Variants in PASK observed in about 807,000 individuals in gnomAD.
The protein encoded by PASK is PAS domain containing serine/threonine kinase, also known as PAS domain-containing serine/threonine-protein kinase.
Under a neutral mutation model 121.0 loss-of-function variants are expected in PASK, and 110 were observed. The observed-to-expected ratio is 0.91, with a 90% CI of 0.78 to 1.06. The LOEUF (loss-of-function observed/expected upper bound fraction) is 1.06. Among genes scored for constraint, PASK ranks in the 50% least tolerant of loss-of-function variants. The pLI is 0.00. For synonymous variants in PASK, 686 were observed against 717.8 expected, an observed-to-expected ratio of 0.96 and a Z score of 0.71; for missense variants, 1,643 against 1,702.3, an observed-to-expected ratio of 0.97 and a Z score of 0.61.
At position 241,133,004 on chromosome 2, in the gene PASK, C is replaced by G; in HGVS notation, c.1333G>C (p.Gly445Arg). 2.5e-6 allele frequency: 4 copies of G among 1,614,150 alleles called. No individual in the cohort carries two copies. Among genetic ancestry groups the G allele is most frequent in the Non-Finnish European group, 3.4e-6 (4 of 1,180,014 alleles). ...QDPRINVVLA[G>R]GHVVPRDEIR... ...TCATCTCGGGGCACAACGTGGCCAC[C>G]AGCAAGCACGACATTAATCCTTGGA... The change falls in exon 9 of 18, where the codon GGT (glycine) becomes CGT (arginine). Residue 445 changes from glycine to arginine, a missense_variant. Transcript: ENST00000234040.
chr2:241,118,850 G>A (rs1036628359), intron 12 of PASK: 19 of 816,212 alleles, frequency 2.3e-5, no homozygotes, highest in Non-Finnish European at 2.8e-5. Context: ...CGCACCCGGT[G>A]GAGGCCATGA....
At chr2:241,138,114 T>C in intron 5 of PASK, 27 bp from the exon 6 acceptor site, 1 of 1,612,466 alleles carries the variant, frequency 6.2e-7, no homozygotes, top group Non-Finnish European at 8.5e-7. Flanking sequence ...GTGCTTATCA[T>C]AAAAGCTTCT....
At chr2:241,140,184 A>G (rs1293486002) in intron 3 of PASK, 129 bp from the exon 4 acceptor site, 2 of 787,198 alleles carry the variant, frequency 2.5e-6, no homozygotes, top group South Asian at 1.5e-5. Context: ...TCTGTTGCCC[A>G]GGCTGGAGTG....
At chr2:241,124,599 T>C (rs1044031426) in intron 10 of PASK, among the ~76,000 whole-genome samples, 4 of 152,224 alleles carry the variant, frequency 2.6e-5, no homozygotes, top group African/African-American at 9.6e-5. Context: ...CTAACAGCCA[T>C]ATTCAATTCC....
intron 8 of PASK, chr2:241,134,472 G>A (rs1025318842): frequency 2.6e-5 from 4 of 152,190 alleles, no homozygotes; most frequent in African/African-American, 4.8e-5. Flanking sequence ...TGCCCCAGGC[G>A]AGACCCTGTG....
rs777925589 is a variant in PASK at position 241,135,913 on chromosome 2, A to G, written c.1264T>C (p.Leu422=). 12 of 1,614,080 alleles carry G rather than the reference A, an allele frequency of 7.4e-6. No individual in the cohort carries two copies. The highest frequency in any genetic ancestry group is 2.7e-5 in the African/African-American group (2 of 74,930). Residue 422 remains leucine (L), a synonymous_variant, in exon 8 of 18, where the codon TTG becomes CTG. Coordinates refer to ENST00000234040, the MANE Select transcript of PASK (RefSeq NM_015148.4). ...GNESGCGERT[L]DPWQGQDPAE... ...GGGTCCTGGCCCTGCCACGGGTCCA[A>G]GGTTCTCTCCCCACACCCACTCTCA... is the stretch of plus-strand genomic sequence containing the variant.
chr2:241,136,575 A>C (rs891316193), intron 7 of PASK, among the ~76,000 whole-genome samples: 1 of 152,220 alleles, frequency 6.6e-6, no homozygotes, highest in Non-Finnish European at 1.5e-5. Context: ...AAATCCCTGC[A>C]AGGTCTCAAT....
chr2:241,126,311 G>A lies in PASK; in HGVS notation c.2604C>T (p.Asn868=), dbSNP rs554640041. 33 of 1,614,220 alleles carry A rather than the reference G, an allele frequency of 2.0e-5. No homozygotes were observed. Among genetic ancestry groups the A allele is most frequent in the East Asian group, 4.5e-5 (2 of 44,886 alleles). ...TCPSAEEPRL[N]VQVTSTPVIV... ...TCACGGGCGTGGAGGTGACCTGGAC[G>A]TTCAGCCTTGGCTCCTCTGCTGATG... The change falls in exon 10 of 18, where the codon AAC becomes AAT. Residue 868 remains asparagine (N), a synonymous_variant. Transcript: ENST00000234040.
intron 14 of PASK, chr2:241,113,450 A>G (rs562397683): frequency 8.0e-6 from 1 of 125,574 alleles, no homozygotes; most frequent in South Asian, 2.4e-4. Context: ...TTAGATACAT[A>G]CATGTGCACA....
chr2:241,140,737 G>C lies in PASK; in HGVS notation c.213C>G (p.Ser71=). Residue 71 remains serine (S), a synonymous_variant, in exon 3 of 18, where the codon TCC becomes TCG. Transcript: ENST00000234040. ...RTALSEDRWS[S]YCLSSLAAQN... is the part of the protein sequence containing the mutation. Reference sequence around the variant, plus strand: ...GGGCAGCCAGTGATGATAGACAATAGGAGCTCCATCTGTCTTCTGAAAAGA... The same window carrying C: ...GGGCAGCCAGTGATGATAGACAATACGAGCTCCATCTGTCTTCTGAAAAGA... 6.2e-7 allele frequency: 1 copy of C among 1,610,486 alleles called. No individual in the cohort carries two copies. Among genetic ancestry groups the C allele is most frequent in the South Asian group, 1.1e-5 (1 of 91,016 alleles).
Position 241,115,023 on chromosome 2 carries a change from C to T in PASK, c.3333+20G>A, listed in dbSNP as rs140703087. ...ACCCAGGCCTGCGTTCACACTAACA[C>T]GGCTCTGGCCTGCTCTCACTTGTCG... On this transcript the variant is annotated intron_variant, in intron 14 of 17. Coordinates refer to ENST00000234040, the MANE Select transcript of PASK (RefSeq NM_015148.4). 1.2e-5 allele frequency: 20 copies of T among 1,614,094 alleles called. No homozygotes were observed. Among genetic ancestry groups the T allele is most frequent in the Middle Eastern group, 1.6e-4 (1 of 6,062 alleles).
At chr2:241,149,787 T>G (rs2067198618), upstream of PASK, 3 of 1,535,118 alleles carry the variant, frequency 2.0e-6, no homozygotes, top group Non-Finnish European at 1.7e-6. Flanking sequence ...ATGGGCCGGG[T>G]GGCTCCGCAG....
chr2:241,110,192 A>G (rs1312188728), intron 15 of PASK, among the ~76,000 whole-genome samples: 2 of 152,248 alleles, frequency 1.3e-5, no homozygotes, highest in Non-Finnish European at 2.9e-5. Flanking sequence ...AAGTGAAATA[A>G]GCCAGTCACC....
At position 241,106,528 on chromosome 2, in the gene PASK, T is replaced by C. The variant is rs775123688; in HGVS notation, c.*38A>G. The C allele has an allele frequency of 9.9e-6, 16 of 1,610,202 alleles. No homozygotes were observed. The highest frequency in any genetic ancestry group is 8.3e-5 in the Admixed American group (5 of 60,024). ...ATGGAGCCTGAAAACTGTGTGATTT[T>C]CCAAACCAAGTGGAGAAAAGCAGGA... is the stretch of plus-strand genomic sequence containing the variant. On this transcript the variant is annotated 3_prime_UTR_variant, in exon 18 of 18. Transcript: ENST00000234040.
Position 241,140,689 on chromosome 2 carries a change from C to T in PASK, c.261G>A (p.Leu87=), listed in dbSNP as rs1193527186. The T allele has an allele frequency of 6.2e-7, 1 of 1,613,986 alleles. No individual in the cohort carries two copies. The highest frequency in any genetic ancestry group is 1.7e-5 in the Admixed American group (1 of 60,000). The change falls in exon 3 of 18, where the codon CTG becomes CTA. Residue 87 remains leucine (L), a synonymous_variant. Coordinates refer to ENST00000234040, the MANE Select transcript of PASK (RefSeq NM_015148.4). ...LAAQNICTSK[L]HCPAAPEHTD... ...TGTGCTCAGGGGCAGCAGGGCAGTG[C>T]AGTTTACTTGTACAAATATTCTGGG...
chr2:241,136,034 G>A lies in PASK; in HGVS notation c.1143C>T (p.Ile381=). Residue 381 remains isoleucine, a synonymous_variant, in exon 8 of 18, where the codon ATC becomes ATT. Coordinates refer to ENST00000234040, the MANE Select transcript of PASK (RefSeq NM_015148.4). ...TGTAGAAACCAGGAATCAGGAAAGTGATATTCTAGAAAACAAAGCAGGGAC... is the reference window on the plus strand; with the variant it reads ...TGTAGAAACCAGGAATCAGGAAAGTAATATTCTAGAAAACAAAGCAGGGAC... ...YGKTELLGKN[I]TFLIPGFYSY... is the part of the protein sequence containing the mutation. 1 of 1,613,700 alleles carries A rather than the reference G, an allele frequency of 6.2e-7. No individual in the cohort carries two copies. The highest frequency in any genetic ancestry group is 8.5e-7 in the Non-Finnish European group (1 of 1,179,610).
upstream of PASK, chr2:241,150,011 GC>G (rs1269202292): frequency 1.0e-5 from 14 of 1,401,948 alleles, no homozygotes; most frequent in Non-Finnish European, 1.2e-5. Flanking sequence ...TTGCCGTTCG[GC>G]CCATTGTACA....
chr2:241,132,932 T>A lies in PASK; in HGVS notation c.1405A>T (p.Thr469Ser). The change falls in exon 9 of 18, where the codon ACT becomes TCT. Residue 469 changes from threonine (T) to serine (S), a missense_variant. Physicochemically the swap from Thr to Ser is moderately conservative, Grantham distance 58. Coordinates refer to ENST00000234040, the MANE Select transcript of PASK (RefSeq NM_015148.4). ...AGCTGGCCTCCAGCAATCAGCTCAG[T>A]CTGAGTCCCGGTGAAGATGTCTTGG... ...ESQDIFTGTQ[T>S]ELIAGGQLLS... The A allele has an allele frequency of 6.2e-7, 1 of 1,614,116 alleles. No homozygotes were observed. The highest frequency in any genetic ancestry group is 1.1e-5 in the South Asian group (1 of 91,064).
chr2:241,133,229 T>C, intron 8 of PASK, 199 bp from the exon 9 acceptor site: 2 of 645,686 alleles, frequency 3.1e-6, no homozygotes, highest in Middle Eastern at 4.0e-4. Flanking sequence ...CCAGGACACC[T>C]GCAGCCAGCT....
Sources: gnomAD v4.1 joint callset for allele counts (sites outside exome capture counted in the v4.1 genomes callset) on GRCh38, gnomAD v4.1.1 for gene constraint, MANE v1.5 for transcripts, NCBI Gene and HGNC (gene_info 2026-07-23, HGNC 2026-07-21) for gene names.